ALPK2: variants seen among roughly 807,000 people sequenced by gnomAD.
ALPK2 encodes alpha-protein kinase 2.
ALPK2 carries 127 observed loss-of-function variants against 163.1 expected under a neutral mutation model. That is an observed-to-expected ratio of 0.78 (90% CI 0.67 to 0.90). The LOEUF is 0.90. ALPK2 is among the 40% of genes least tolerant of loss of function. The pLI, the probability that ALPK2 is intolerant of heterozygous loss-of-function variation, is 0.00. For synonymous variants in ALPK2, 953 were observed against 959.1 expected, an observed-to-expected ratio of 0.99 and a Z score of 0.12; for missense variants, 2,360 against 2,589.6, an observed-to-expected ratio of 0.91 and a Z score of 1.92.
intron 3 of ALPK2, among the ~76,000 whole-genome samples, chr18:58,595,810 C>T (rs764183730): frequency 2.0e-4 from 30 of 152,108 alleles, no homozygotes; most frequent in Non-Finnish European, 3.7e-4. Context: ...CTTGGGATGT[C>T]ATTAAAATGC....
At position 58,528,962 on chromosome 18, in the gene ALPK2, G is replaced by C. The variant is rs772711383; in HGVS notation, c.5501+129C>G. 5.1e-5 allele frequency: 56 copies of C among 1,101,252 alleles called. No homozygotes were observed. The African/African-American group carries it at 8.3e-4, about 16-fold the overall frequency. The allele number at this position is 1,101,252 out of a possible 1,614,324, so 68.2% of individuals were successfully genotyped here. A position where few individuals can be genotyped will look rare whatever the true frequency, so the allele number is the denominator to read the frequency against. Reference sequence around the variant, plus strand: ...CCGATATTTAGTCTTTTTTAATATTGTGGATGTGGAATCTCTGCTTCAATT... The same window carrying C: ...CCGATATTTAGTCTTTTTTAATATTCTGGATGTGGAATCTCTGCTTCAATT... On this transcript the variant is annotated intron_variant, in intron 6 of 12. Coordinates refer to ENST00000361673, the MANE Select transcript of ALPK2 (RefSeq NM_052947.4).
chr18:58,607,082 A>C (rs1168602671), intron 3 of ALPK2, among the ~76,000 whole-genome samples: 3 of 152,268 alleles, frequency 2.0e-5, no homozygotes, highest in African/African-American at 7.2e-5. Flanking sequence ...ACCTTGAACA[A>C]AATTCTAGAT....
chr18:58,484,720 G>C (rs1448930412), intron 12 of ALPK2, among the ~76,000 whole-genome samples: 36 of 151,874 alleles, frequency 2.4e-4, no homozygotes, highest in Non-Finnish European at 1.5e-5. Flanking sequence ...CTCCAGTCTG[G>C]CGACAGAGCG....
At chr18:58,562,107 G>T (rs563308828) in intron 4 of ALPK2, among the ~76,000 whole-genome samples, 1 of 152,162 alleles carries the variant, frequency 6.6e-6, no homozygotes, top group Non-Finnish European at 1.5e-5. Flanking sequence ...AGATAGAGGT[G>T]CCCTGGGCAT....
In ALPK2 at chr18:58,536,817, C is replaced by G. The variant is rs564375238; in HGVS notation, c.3370G>C (p.Glu1124Gln). 4.6e-5 allele frequency: 75 copies of G among 1,614,172 alleles called. 1 individual carries two copies. In the South Asian group the frequency reaches 7.1e-4, roughly 15 times the overall value. ...TCACTTCCTCTTTCTTGGAAATTCT[C>G]TTCATAGCTCCTAAAGTCTGCTCTG... ...VDRADFRSYE[E>Q]NFQERGSETK... is the part of the protein sequence containing the mutation. Residue 1124 changes from glutamate to glutamine, a missense_variant, in exon 5 of 13, where the codon GAG becomes CAG. Physicochemically the swap from Glu to Gln is conservative, Grantham distance 29 (BLOSUM62 2). Coordinates refer to ENST00000361673, the MANE Select transcript of ALPK2 (RefSeq NM_052947.4).
At chr18:58,516,774 T>C in intron 9 of ALPK2, 134 bp downstream of exon 9, 1 of 1,100,376 alleles carries the variant, frequency 9.1e-7, no homozygotes, top group Non-Finnish European at 1.3e-6. Flanking sequence ...AGCATTGAGA[T>C]TGAATTGAAA....
At chr18:58,580,993 AG>A (rs1488675954) in intron 3 of ALPK2, 1 of 155,768 alleles carries the variant, frequency 6.4e-6, no homozygotes, top group Non-Finnish European at 1.4e-5. Flanking sequence ...GCAGCCCTCA[AG>A]GCTGCTCTGC....
chr18:58,552,871 A>C (rs11659716), intron 4 of ALPK2, among the ~76,000 whole-genome samples: 16,510 of 152,178 alleles, frequency 0.11, 1,036 homozygotes, highest in East Asian at 0.2. Flanking sequence ...TCAAGTTCTA[A>C]CCCTTGGTAC....
chr18:58,555,147 CACA>C (rs2051783472), intron 4 of ALPK2, among the ~76,000 whole-genome samples: 1 of 152,212 alleles, frequency 6.6e-6, no homozygotes, highest in Non-Finnish European at 1.5e-5. Flanking sequence ...AATCTTAACA[CACA>C]ACACTTCAAG....
intron 3 of ALPK2, among the ~76,000 whole-genome samples, chr18:58,606,612 C>T (rs879317963): frequency 2.6e-5 from 4 of 152,096 alleles, no homozygotes; most frequent in Non-Finnish European, 2.9e-5. Context: ...TCAGACTCAA[C>T]GCTATCAGCA....
At chr18:58,591,609 AT>A (rs2144210333) in intron 3 of ALPK2, among the ~76,000 whole-genome samples, 1 of 152,212 alleles carries the variant, frequency 6.6e-6, no homozygotes, top group South Asian at 2.1e-4. Flanking sequence ...ACAGGGTAGG[AT>A]TTTGGCAGGA....
intron 2 of ALPK2, among the ~76,000 whole-genome samples, chr18:58,610,738 G>C (rs1302492764): frequency 6.6e-6 from 1 of 151,734 alleles, no homozygotes; most frequent in African/African-American, 2.4e-5. Flanking sequence ...TCAAGAGATG[G>C]AGACCATCCT....
At chr18:58,593,436 C>T (rs1433007917) in intron 3 of ALPK2, among the ~76,000 whole-genome samples, 3 of 150,540 alleles carry the variant, frequency 2.0e-5, no homozygotes, top group Non-Finnish European at 3.0e-5. Flanking sequence ...TTGTGGCATG[C>T]GCCTGTAATC....
At chr18:58,499,664 G>A (rs2051421416) in intron 11 of ALPK2, among the ~76,000 whole-genome samples, 1 of 152,204 alleles carries the variant, frequency 6.6e-6, no homozygotes, top group African/African-American at 2.4e-5. Flanking sequence ...GGCCCATAGT[G>A]CCACCCCACC....
chr18:58,514,779 A>G (rs963953843), intron 10 of ALPK2, among the ~76,000 whole-genome samples: 8 of 149,512 alleles, frequency 5.4e-5, no homozygotes, highest in African/African-American at 2.0e-4. Context: ...AAGAATATTT[A>G]TCTTCTTAAA....
intron 3 of ALPK2, among the ~76,000 whole-genome samples, chr18:58,582,407 CAA>C (rs1329284473): frequency 6.6e-6 from 1 of 152,126 alleles, no homozygotes; most frequent in African/African-American, 2.4e-5. Flanking sequence ...TTAAAGATCT[CAA>C]AGCCATTCTG....
At chr18:58,493,086 C>T (rs1014675677) in intron 12 of ALPK2, among the ~76,000 whole-genome samples, 1 of 152,178 alleles carries the variant, frequency 6.6e-6, no homozygotes, top group Non-Finnish European at 1.5e-5. Context: ...AGATGGGATG[C>T]AGGTGGCCTT....
intron 4 of ALPK2, among the ~76,000 whole-genome samples, chr18:58,551,212 G>C (rs924977246): frequency 6.6e-6 from 1 of 152,090 alleles, no homozygotes; most frequent in African/African-American, 2.4e-5. Flanking sequence ...AAACTGGGCA[G>C]CTTAAAACAC....
intron 1 of ALPK2, among the ~76,000 whole-genome samples, chr18:58,616,215 C>A (rs890477282): frequency 6.6e-6 from 1 of 152,024 alleles, no homozygotes; most frequent in African/African-American, 2.4e-5. Context: ...TATGATATAT[C>A]TGTATATTTA....
Sources: gnomAD v4.1 joint callset for allele counts (sites outside exome capture counted in the v4.1 genomes callset) on GRCh38, gnomAD v4.1.1 for gene constraint, MANE v1.5 for transcripts, NCBI Gene and HGNC (gene_info 2026-07-23, HGNC 2026-07-21) for gene names.